The following TM4SF19 variants were observed in gnomAD, a reference collection of about 807,000 sequenced individuals.
TM4SF19 encodes transmembrane 4 L six family member 19, also known as transmembrane 4 L6 family member 19.
A neutral mutation model predicts 21.8 loss-of-function variants in TM4SF19; 17 were observed. That is an observed-to-expected ratio of 0.78 (90% CI 0.53 to 1.17). The LOEUF is 1.17. Among genes scored for constraint, TM4SF19 ranks in the 50% most tolerant of loss-of-function variants. The pLI is 0.00. For synonymous variants in TM4SF19, 107 were observed against 106.7 expected, an observed-to-expected ratio of 1.00 and a Z score of -0.02; for missense variants, 216 against 252.1, an observed-to-expected ratio of 0.86 and a Z score of 0.97.
intron 1 of TM4SF19, among the ~76,000 whole-genome samples, chr3:196,336,161 A>ATTC (rs1491418951): frequency 6.6e-6 from 1 of 151,494 alleles, no homozygotes; most frequent in Non-Finnish European, 1.5e-5. Context: ...TTTTTGAGAC[A>ATTC]GAGTTTCACT....
chr3:196,331,716 G>A (rs764973481), intron 1 of TM4SF19, among the ~76,000 whole-genome samples: 3 of 151,990 alleles, frequency 2.0e-5, no homozygotes, highest in Admixed American at 2.0e-4. Context: ...GAACCCGGGA[G>A]GTGGAGGTTG....
At chr3:196,338,150 A>T (rs1281660676) in intron 1 of TM4SF19, 114 bp downstream of exon 1, 1 of 152,408 alleles carries the variant, frequency 6.6e-6, no homozygotes, top group Non-Finnish European at 1.5e-5. Flanking sequence ...AATGGCGCAA[A>T]GTCACACAGA....
intron 1 of TM4SF19, among the ~76,000 whole-genome samples, chr3:196,328,975 G>A (rs1176651667): frequency 2.6e-5 from 4 of 151,646 alleles, no homozygotes; most frequent in Non-Finnish European, 4.4e-5. Context: ...ACGGAGTCTC[G>A]CTCTGTTGCT....
intron 1 of TM4SF19, among the ~76,000 whole-genome samples, chr3:196,335,223 G>A (rs550145013): frequency 1.8e-5 from 1 of 54,812 alleles, no homozygotes; most frequent in African/African-American, 7.9e-5. Flanking sequence ...TGCACAGGGA[G>A]AGTGGGGGTA....
chr3:196,333,760 T>C lies in TM4SF19; in HGVS notation c.-2+4504A>G, dbSNP rs188364951. 3.3e-5 allele frequency among the ~76,000 whole-genome samples: 5 copies of C among 152,274 alleles called. No individual in the cohort carries two copies. The East Asian group carries it at 7.7e-4, about 23-fold the overall frequency. ...ATCTAAAATAAAAGTTGAAATTATA[T>C]TTTTAAAATTTGCATTAAAGGCCAG... On this transcript the variant is annotated intron_variant, in intron 1 of 4. Transcript: ENST00000273695.
At position 196,327,352 on chromosome 3, in the gene TM4SF19, C is replaced by T; in HGVS notation, c.201+38G>A. 3 of 1,601,980 alleles carry T rather than the reference C, an allele frequency of 1.9e-6. No homozygotes were observed. The South Asian group carries it at 3.3e-5, about 18-fold the overall frequency. On this transcript the variant is annotated intron_variant, in intron 2 of 4. Transcript: ENST00000273695. ...ACCTTCCTGCTCCCCGCCGGGGTCT[C>T]TTTGAGAGTTCACGTTCAGGGAACC...
chr3:196,331,724 T>C (rs891034646), intron 1 of TM4SF19, among the ~76,000 whole-genome samples: 63 of 150,848 alleles, frequency 4.2e-4, no homozygotes, highest in African/African-American at 1.5e-3. Context: ...GAGGTGGAGG[T>C]TGCAGTGAGC....
In TM4SF19 at chr3:196,323,739, C is replaced by T. The variant is rs371846128; in HGVS notation, c.*78G>A. 6.8e-6 allele frequency: 11 copies of T among 1,610,528 alleles called. No individual in the cohort carries two copies. Among genetic ancestry groups the T allele is most frequent in the Middle Eastern group, 1.6e-4 (1 of 6,076 alleles). ...CTAAAGGGGAAGTTTGTTTATAATT[C>T]GTACCCACTCCTTGTAGAAAGGATT... On this transcript the variant is annotated 3_prime_UTR_variant, in exon 5 of 5. Transcript: ENST00000273695.
Position 196,323,796 on chromosome 3 carries a change from T to C in TM4SF19, c.*21A>G. The C allele has an allele frequency of 6.2e-7, 1 of 1,614,134 alleles. No individual in the cohort carries two copies. The highest frequency in any genetic ancestry group is 8.5e-7 in the Non-Finnish European group (1 of 1,180,028). On this transcript the variant is annotated 3_prime_UTR_variant, in exon 5 of 5. Coordinates refer to ENST00000273695, the MANE Select transcript of TM4SF19 (RefSeq NM_138461.4). ...AGCCGATGATGAAAACACCCATGCT[T>C]GCAAGTGAAGGTTCTGCCTGTCACT...
At chr3:196,324,461 C>G in intron 3 of TM4SF19, 21 bp from the exon 4 acceptor site, 1 of 1,613,042 alleles carries the variant, frequency 6.2e-7, no homozygotes, top group Non-Finnish European at 8.5e-7. Flanking sequence ...AGGAGAAACA[C>G]TGAGCTAAGA....
intron 1 of TM4SF19, among the ~76,000 whole-genome samples, chr3:196,331,526 G>A (rs1452516658): frequency 6.6e-6 from 1 of 150,708 alleles, no homozygotes; most frequent in Non-Finnish European, 1.5e-5. Flanking sequence ...AGTGGCTCAC[G>A]CCTGTAATCC....
chr3:196,327,073 T>C, intron 2 of TM4SF19, 41 bp from the exon 3 acceptor site: 1 of 1,542,984 alleles, frequency 6.5e-7, no homozygotes, highest in Non-Finnish European at 8.9e-7. Context: ...GAAATCGACT[T>C]TGCCGGCTGT....
intron 2 of TM4SF19, 63 bp from the exon 3 acceptor site, chr3:196,327,095 G>A: frequency 7.3e-7 from 1 of 1,364,294 alleles, no homozygotes; most frequent in Non-Finnish European, 1.0e-6. Context: ...TCTAGGTGCT[G>A]CCCACAGCTG....
chr3:196,324,091 G>C, intron 4 of TM4SF19, 94 bp from the exon 5 acceptor site: 1 of 1,510,592 alleles, frequency 6.6e-7, no homozygotes, highest in Non-Finnish European at 9.1e-7. Flanking sequence ...CCCCTGACCG[G>C]GTCATGGGAC....
chr3:196,324,465 G>C, intron 3 of TM4SF19, 25 bp from the exon 4 acceptor site: 1 of 1,612,324 alleles, frequency 6.2e-7, no homozygotes, highest in Non-Finnish European at 8.5e-7. Context: ...GAAACACTGA[G>C]CTAAGACGGG....
chr3:196,327,162 C>A, intron 2 of TM4SF19, 130 bp from the exon 3 acceptor site: 1 of 824,936 alleles, frequency 1.2e-6, no homozygotes, highest in Non-Finnish European at 2.0e-6. Flanking sequence ...CTCTGGGGAC[C>A]CACATTTGTA....
chr3:196,324,173 T>C (rs879219503), intron 4 of TM4SF19, 98 bp downstream of exon 4: 2 of 1,483,554 alleles, frequency 1.3e-6, no homozygotes, highest in Non-Finnish European at 9.4e-7. Flanking sequence ...GATGCTAGGA[T>C]GTGTGACCCA....
At chr3:196,327,270 A>G in intron 2 of TM4SF19, 120 bp downstream of exon 2, 4 of 1,032,876 alleles carry the variant, frequency 3.9e-6, no homozygotes, top group Non-Finnish European at 5.7e-6. Context: ...TACAGACCCA[A>G]GATCAGCTTG....
chr3:196,323,603 T>C lies in TM4SF19; in HGVS notation c.*214A>G. 3 of 865,936 alleles carry C rather than the reference T, an allele frequency of 3.5e-6. No homozygotes were observed. The highest frequency in any genetic ancestry group is 3.5e-6 in the Non-Finnish European group (2 of 578,968). The allele number at this position is 865,936 out of a possible 1,614,324, so 53.6% of individuals were successfully genotyped here. On this transcript the variant is annotated 3_prime_UTR_variant, in exon 5 of 5. Transcript: ENST00000273695. The stretch of plus-strand genomic sequence containing the variant: ...TTCCTAAACAATTATAATAACTTAG[T>C]TATTTATCCTATCCATGGATCACCT...
Sources: gnomAD v4.1 joint callset for allele counts (sites outside exome capture counted in the v4.1 genomes callset) on GRCh38, gnomAD v4.1.1 for gene constraint, MANE v1.5 for transcripts, NCBI Gene and HGNC (gene_info 2026-07-23, HGNC 2026-07-21) for gene names.